CFAP263: variants seen among roughly 807,000 people sequenced by gnomAD.
The protein encoded by CFAP263 is cilia and flagella associated protein 263.
At chr16:58,273,156 T>C in the CFAP263 span, among the ~76,000 whole-genome samples, 1 of 152,328 alleles carries the variant, frequency 6.6e-6, no homozygotes, top group East Asian at 1.9e-4. Flanking sequence ...TGAGTCTGGG[T>C]GTGGATTTAT....
At chr16:58,254,229 G>A in the CFAP263 span, 1 of 1,514,028 alleles carries the variant, frequency 6.6e-7, no homozygotes, top group Non-Finnish European at 9.1e-7. Flanking sequence ...GAGGTATCTA[G>A]AGTGGGTTCA....
the CFAP263 span, among the ~76,000 whole-genome samples, chr16:58,266,708 G>A: frequency 6.6e-6 from 1 of 151,976 alleles, no homozygotes. Flanking sequence ...GCACATCCCA[G>A]CTCCTCTGGA....
chr16:58,267,558 T>C, the CFAP263 span: 4 of 1,612,740 alleles, frequency 2.5e-6, no homozygotes, highest in East Asian at 2.2e-5. Context: ...CTTGAAAAAA[T>C]TGAAAAAGAA....
the CFAP263 span, among the ~76,000 whole-genome samples, chr16:58,251,386 T>A: frequency 1.3e-5 from 2 of 152,146 alleles, no homozygotes; most frequent in South Asian, 4.1e-4. Flanking sequence ...CACTAGTTTG[T>A]TTTGTTTTGT....
At chr16:58,255,048 G>A in the CFAP263 span, among the ~76,000 whole-genome samples, 2 of 152,304 alleles carry the variant, frequency 1.3e-5, no homozygotes, top group East Asian at 3.9e-4. Context: ...ACAAGGCAAA[G>A]TCCCACGCAA....
At chr16:58,278,644 C>T in the CFAP263 span, 3 of 1,613,756 alleles carry the variant, frequency 1.9e-6, no homozygotes, top group Non-Finnish European at 2.5e-6. Context: ...AGAGGTGAGC[C>T]ACGGGGAGCC....
the CFAP263 span, among the ~76,000 whole-genome samples, chr16:58,264,477 G>A: frequency 6.6e-6 from 1 of 152,174 alleles, no homozygotes; most frequent in Non-Finnish European, 1.5e-5. Context: ...AGCCATTCCT[G>A]GGGGAAATGG....
the CFAP263 span, among the ~76,000 whole-genome samples, chr16:58,256,840 A>ATG: frequency 0.14 from 21,820 of 151,296 alleles, 2,066 homozygotes; most frequent in East Asian, 0.33. Context: ...TTATAGTAAT[A>ATG]TGTGTGTGTG....
At chr16:58,252,972 G>A in the CFAP263 span, 1 of 995,704 alleles carries the variant, frequency 1.0e-6, no homozygotes, top group Non-Finnish European at 1.5e-6. Flanking sequence ...CCTTCTCCCT[G>A]TTTTACTTTT....
chr16:58,272,442 A>T, the CFAP263 span, among the ~76,000 whole-genome samples: 1 of 152,228 alleles, frequency 6.6e-6, no homozygotes, highest in Non-Finnish European at 1.5e-5. Flanking sequence ...AGTGTACCCT[A>T]TGATGGTATA....
the CFAP263 span, among the ~76,000 whole-genome samples, chr16:58,276,297 G>A: frequency 2.0e-5 from 3 of 152,212 alleles, no homozygotes; most frequent in African/African-American, 4.8e-5. Context: ...ACTGTAGTGA[G>A]AGAATGAGGG....
the CFAP263 span, among the ~76,000 whole-genome samples, chr16:58,275,939 G>C: frequency 6.6e-6 from 1 of 152,254 alleles, no homozygotes; most frequent in East Asian, 1.9e-4. Context: ...CTTTCAAAAT[G>C]TAAAACCTAG....
chr16:58,270,749 T>C, the CFAP263 span, among the ~76,000 whole-genome samples: 3 of 152,224 alleles, frequency 2.0e-5, no homozygotes, highest in Non-Finnish European at 1.5e-5. Context: ...TTTTAGCTCT[T>C]ATGTTTAGGT....
chr16:58,280,631 T>C, the CFAP263 span: 12 of 1,614,200 alleles, frequency 7.4e-6, no homozygotes, highest in African/African-American at 1.3e-5. Flanking sequence ...ATCCATTTGC[T>C]GTAGTCTTCC....
At chr16:58,267,415 C>G in the CFAP263 span, 3 of 1,082,942 alleles carry the variant, frequency 2.8e-6, no homozygotes, top group African/African-American at 4.7e-5. Context: ...AAAGAGATGT[C>G]TCCCCTTCCT....
At chr16:58,275,438 G>C in the CFAP263 span, among the ~76,000 whole-genome samples, 9 of 151,698 alleles carry the variant, frequency 5.9e-5, no homozygotes, top group Non-Finnish European at 1.3e-4. Context: ...AGGTTTTTTT[G>C]TTTGTTTGTT....
At chr16:58,254,457 T>C in the CFAP263 span, among the ~76,000 whole-genome samples, 1 of 152,206 alleles carries the variant, frequency 6.6e-6, no homozygotes, top group African/African-American at 2.4e-5. Context: ...CCTCTTTTGG[T>C]TGATCAACTT....
chr16:58,271,646 T>C, the CFAP263 span, among the ~76,000 whole-genome samples: 1 of 152,210 alleles, frequency 6.6e-6, no homozygotes, highest in African/African-American at 2.4e-5. Flanking sequence ...GTTCCTCCAC[T>C]GGATTTGTTT....
the CFAP263 span, among the ~76,000 whole-genome samples, chr16:58,275,434 T>TTTTG: frequency 6.6e-6 from 1 of 152,200 alleles, no homozygotes; most frequent in Admixed American, 6.5e-5. Context: ...AGGAAGGTTT[T>TTTTG]TTTGTTTGTT....
Sources: allele counts gnomAD v4.1 joint callset (sites outside exome capture counted in the v4.1 genomes callset), GRCh38; gene constraint gnomAD v4.1.1; transcripts MANE v1.5; gene names NCBI Gene and HGNC (gene_info 2026-07-23, HGNC 2026-07-21).